The following SLC24A2 variants were observed in gnomAD, a reference collection of about 807,000 sequenced individuals.
The protein encoded by SLC24A2 is solute carrier family 24 member 2.
In SLC24A2, 36 loss-of-function variants were observed where a neutral mutation model predicts 62.0. The ratio of observed to expected loss-of-function variants is 0.58; its 90% CI spans 0.44 to 0.77. SLC24A2 has a LOEUF of 0.77. Among genes scored for constraint, SLC24A2 ranks in the 30% least tolerant of loss-of-function variants. The pLI is 0.00. For synonymous variants in SLC24A2, 358 were observed against 294.0 expected (o/e 1.22, Z -2.23); for missense variants, 846 against 817.9 (o/e 1.03, Z -0.42).
At chr9:19,841,102 T>C in the SLC24A2 span, among the ~76,000 whole-genome samples, 1 of 152,120 alleles carries the variant, frequency 6.6e-6, no homozygotes, top group East Asian at 1.9e-4. Context: ...AACCACTCAA[T>C]AAACACGTAT....
intron 8 of SLC24A2, among the ~76,000 whole-genome samples, chr9:19,542,864 C>G (rs187637492): frequency 6.6e-6 from 1 of 152,126 alleles, no homozygotes; most frequent in East Asian, 1.9e-4. Context: ...ATTTTCGCAT[C>G]GATGTTCATC....
chr9:20,245,361 A>G, the SLC24A2 span, among the ~76,000 whole-genome samples: 1 of 152,236 alleles, frequency 6.6e-6, no homozygotes, highest in Admixed American at 6.5e-5. Context: ...TATTGGTGAG[A>G]CAAGACAGGT....
chr9:20,000,793 A>G, the SLC24A2 span, among the ~76,000 whole-genome samples: 1 of 152,208 alleles, frequency 6.6e-6, no homozygotes, highest in Non-Finnish European at 1.5e-5. Flanking sequence ...GTTAACAGTA[A>G]AATGTGAGAC....
rs917140960 is a variant in SLC24A2 at position 19,513,170 on chromosome 9, ATATATGTATATATATATATATG to A, written c.*2961_*2982del. The A allele has an allele frequency of 3.0e-4, 18 of 60,070 alleles. No individual in the cohort carries two copies. The East Asian group carries it at 8.6e-3, about 29-fold the overall frequency. The allele number at this position is 60,070 out of a possible 1,614,324, so 3.7% of individuals were successfully genotyped here. A position where few individuals can be genotyped will look rare whatever the true frequency, so the allele number is the denominator to read the frequency against. On this transcript the variant is annotated 3_prime_UTR_variant, in exon 11 of 11. Transcript: ENST00000341998. Reference sequence around the variant, plus strand: ...GGTATAAAGATATATATATATATATATATATGTATATATATATATATGTATATATTTATATATGTATATACAC... The same window carrying A: ...GGTATAAAGATATATATATATATATATATATATTTATATATGTATATACAC...
the SLC24A2 span, among the ~76,000 whole-genome samples, chr9:20,026,786 C>T: frequency 2.0e-5 from 3 of 152,038 alleles, no homozygotes; most frequent in African/African-American, 7.2e-5. Flanking sequence ...TTGGATAAGA[C>T]CTTAAAAGCA....
chr9:19,678,722 A>G (rs1287401499), intron 2 of SLC24A2, among the ~76,000 whole-genome samples: 1 of 152,186 alleles, frequency 6.6e-6, no homozygotes, highest in Non-Finnish European at 1.5e-5. Context: ...TGGCATTTTT[A>G]GTTATGTTAA....
the SLC24A2 span, among the ~76,000 whole-genome samples, chr9:20,295,309 G>C: frequency 6.6e-6 from 1 of 152,132 alleles, no homozygotes; most frequent in African/African-American, 2.4e-5. Flanking sequence ...GTTGTACACA[G>C]AGCTGCATCA....
chr9:19,907,262 G>T, the SLC24A2 span, among the ~76,000 whole-genome samples: 4 of 152,176 alleles, frequency 2.6e-5, no homozygotes, highest in South Asian at 4.1e-4. Flanking sequence ...AAAGGCCTTT[G>T]ACAAAATTCA....
chr9:19,942,203 G>T, the SLC24A2 span, among the ~76,000 whole-genome samples: 1 of 152,070 alleles, frequency 6.6e-6, no homozygotes. Flanking sequence ...GCAGAGCTGG[G>T]GAAGAAATAA....
the SLC24A2 span, among the ~76,000 whole-genome samples, chr9:20,055,623 C>T: frequency 1.3e-5 from 2 of 152,114 alleles, no homozygotes; most frequent in African/African-American, 4.8e-5. Flanking sequence ...CGCGGTGGTT[C>T]ATGCCTATAA....
chr9:19,684,496 T>G lies in SLC24A2; in HGVS notation c.931-62197A>C, dbSNP rs552903445. Among the ~76,000 whole-genome samples the G allele has an allele frequency of 2.0e-5, 3 of 152,090 alleles. No homozygotes were observed. In the South Asian group the frequency reaches 6.2e-4, roughly 32 times the overall value. ...CATGTGGCTGGGGAGAGCAGTACCT[T>G]AAAGACCCACACTACAAGTGAGCAT... is the stretch of plus-strand genomic sequence containing the variant. On this transcript the variant is annotated intron_variant, in intron 2 of 10. Transcript: ENST00000341998.
At chr9:19,618,379 T>C (rs1444643022) in intron 4 of SLC24A2, among the ~76,000 whole-genome samples, 6 of 152,196 alleles carry the variant, frequency 3.9e-5, no homozygotes, top group Non-Finnish European at 7.3e-5. Flanking sequence ...TTACCTCTAG[T>C]AAACAGATCC....
intron 4 of SLC24A2, among the ~76,000 whole-genome samples, chr9:19,597,667 A>T (rs1332995428): frequency 1.3e-5 from 2 of 152,242 alleles, no homozygotes; most frequent in Non-Finnish European, 2.9e-5. Flanking sequence ...GGAAGCTTGC[A>T]GACACTGTGA....
At chr9:20,157,563 G>A in the SLC24A2 span, among the ~76,000 whole-genome samples, 1 of 151,524 alleles carries the variant, frequency 6.6e-6, no homozygotes, top group Non-Finnish European at 1.5e-5. Flanking sequence ...ACACCTATAG[G>A]AAAGGGACTT....
At chr9:20,233,414 A>G in the SLC24A2 span, among the ~76,000 whole-genome samples, 38 of 152,266 alleles carry the variant, frequency 2.5e-4, no homozygotes, top group South Asian at 4.1e-4. Flanking sequence ...GTTCTCCTGT[A>G]TTGGGTGCAT....
At chr9:19,718,406 C>T (rs891132913) in intron 2 of SLC24A2, among the ~76,000 whole-genome samples, 1 of 149,414 alleles carries the variant, frequency 6.7e-6, no homozygotes, top group Non-Finnish European at 1.5e-5. Context: ...CATTGTCCCA[C>T]CTCAGCCTCC....
chr9:20,183,067 C>T, the SLC24A2 span, among the ~76,000 whole-genome samples: 165 of 152,238 alleles, frequency 1.1e-3, no homozygotes, highest in Admixed American at 1.6e-3. Flanking sequence ...GAAACACTCC[C>T]TGGGGAGACC....
chr9:19,997,950 C>G, the SLC24A2 span, among the ~76,000 whole-genome samples: 2 of 152,260 alleles, frequency 1.3e-5, no homozygotes, highest in Admixed American at 1.3e-4. Flanking sequence ...AATAGGCCCT[C>G]CTAGTTACTA....
At chr9:20,098,911 G>C in the SLC24A2 span, among the ~76,000 whole-genome samples, 1 of 152,192 alleles carries the variant, frequency 6.6e-6, no homozygotes, top group Non-Finnish European at 1.5e-5. Context: ...TTCTGCCACT[G>C]ATTTTAGACC....
Sources: allele counts gnomAD v4.1 joint callset (sites outside exome capture counted in the v4.1 genomes callset), GRCh38; gene constraint gnomAD v4.1.1; transcripts MANE v1.5; gene names NCBI Gene and HGNC (gene_info 2026-07-23, HGNC 2026-07-21).